PARP1: variants seen among roughly 807,000 people sequenced by gnomAD.
The protein encoded by PARP1 is poly [ADP-ribose] polymerase 1.
In PARP1, 44 loss-of-function variants were observed where a neutral mutation model predicts 118.7. The ratio of observed to expected loss-of-function variants is 0.37; its 90% CI spans 0.29 to 0.48. The LOEUF (loss-of-function observed/expected upper bound fraction) is 0.48, where lower values mean the gene tolerates loss of function less well. Among genes scored for constraint, PARP1 ranks in the 20% least tolerant of loss-of-function variants. The probability of loss-of-function intolerance (pLI) is 0.99; values close to 1 mark genes in which losing one functional copy is unlikely to be tolerated. For missense variants in PARP1, 1,100 were observed against 1,272.4 expected (o/e 0.86, Z 2.06); for synonymous variants, 492 against 483.2 (o/e 1.02, Z -0.24).
chr1:226,365,109 A>T lies in PARP1; in HGVS notation c.2551T>A (p.Phe851Ile), dbSNP rs1486968445. The T allele has an allele frequency of 6.2e-7, 1 of 1,614,214 alleles. No homozygotes were observed. Among genetic ancestry groups the T allele is most frequent in the Admixed American group, 1.7e-5 (1 of 60,036 alleles). Residue 851 changes from phenylalanine (F) to isoleucine (I), a missense_variant, in exon 19 of 23, where the codon TTT becomes ATT. Physicochemically the swap from Phe to Ile is conservative, Grantham distance 21. Coordinates refer to ENST00000366794, the MANE Select transcript of PARP1 (RefSeq NM_001618.4). ...AATCTTCGGTTATGAAGCTGCTTAA[A>T]GGGCTTGTAACGCTGGCATTCGCCT... ...REGECQRYKPFKQLHNRRLLW... is the reference protein window; with the variant it reads ...REGECQRYKPIKQLHNRRLLW...
chr1:226,361,127 G>A lies in PARP1; in HGVS notation c.*333C>T. ...TATTTTTCCTTCCCTGGGGAAACCA[G>A]TAAGGCAGACATTCTAACGAAGCTT... is the stretch of plus-strand genomic sequence containing the variant. On this transcript the variant is annotated 3_prime_UTR_variant, in exon 23 of 23. Coordinates refer to ENST00000366794, the MANE Select transcript of PARP1 (RefSeq NM_001618.4). 1 of 381,930 alleles carries A rather than the reference G, an allele frequency of 2.6e-6. No individual in the cohort carries two copies. The highest frequency in any genetic ancestry group is 3.9e-5 in the South Asian group (1 of 25,356). 23.7% of individuals were successfully genotyped at this position (381,930 alleles called of 1,614,324 possible). A position where few individuals can be genotyped will look rare whatever the true frequency, so the allele number is the denominator to read the frequency against.
intron 2 of PARP1, among the ~76,000 whole-genome samples, chr1:226,394,299 G>A (rs556609273): frequency 6.6e-6 from 1 of 152,362 alleles, no homozygotes; most frequent in Admixed American, 6.5e-5. Context: ...CAAGGCTACA[G>A]TGAGCTAGGA....
chr1:226,361,420 A>T lies in PARP1; in HGVS notation c.*40T>A, dbSNP rs918967512. The T allele has an allele frequency of 7.1e-7, 1 of 1,406,194 alleles. No homozygotes were observed. Among genetic ancestry groups the T allele is most frequent in the Non-Finnish European group, 1.0e-6 (1 of 991,922 alleles). The allele number at this position is 1,406,194 out of a possible 1,614,324, so 87.1% of individuals were successfully genotyped here. ...GTGCAGAAGCGCTTCGGGTGAATTC[A>T]TACCAGAGCCACCGGGTGTGACTCG... On this transcript the variant is annotated 3_prime_UTR_variant, in exon 23 of 23. Transcript: ENST00000366794.
intron 2 of PARP1, among the ~76,000 whole-genome samples, chr1:226,400,255 T>G (rs1665006726): frequency 6.6e-6 from 1 of 151,894 alleles, no homozygotes; most frequent in Non-Finnish European, 1.5e-5. Context: ...GCCAAGACCA[T>G]GCCACAGCAC....
At chr1:226,398,973 A>G (rs575227100) in intron 2 of PARP1, among the ~76,000 whole-genome samples, 18 of 152,342 alleles carry the variant, frequency 1.2e-4, no homozygotes, top group Middle Eastern at 3.4e-3. Context: ...GATGTCCTTC[A>G]GCAGGTCAAT....
chr1:226,361,262 C>T lies in PARP1; in HGVS notation c.*198G>A. The T allele has an allele frequency of 1.6e-6, 1 of 637,468 alleles. No individual in the cohort carries two copies. Among genetic ancestry groups the T allele is most frequent in the Non-Finnish European group, 2.8e-6 (1 of 351,154 alleles). The allele number at this position is 637,468 out of a possible 1,614,324, so 39.5% of individuals were successfully genotyped here. On this transcript the variant is annotated 3_prime_UTR_variant, in exon 23 of 23. Transcript: ENST00000366794. ...AACAAAAACAACCCCAAAACAACCC[C>T]TCCCCACAGACACAACACAAAACAA...
intron 20 of PARP1, 79 bp from the exon 21 acceptor site, chr1:226,363,239 TCAGATA>T (rs1664187319): frequency 1.1e-6 from 1 of 942,654 alleles, no homozygotes; most frequent in Non-Finnish European, 1.8e-6. Context: ...GAGAATAAGA[TCAGATA>T]CAGAGATGAG....
rs749501376 is a variant in PARP1, at chr1:226,390,602, T to A, written c.425A>T (p.Lys142Met). ...CTGTGGCTTCTCCGGGTCCACCATC[T>A]TCTTGGACAGGCGCACCTGGCCCTG... Reference protein sequence around the residue: ...IEKGQVRLSKKMVDPEKPQLG... With the variant: ...IEKGQVRLSKMMVDPEKPQLG... The change falls in exon 4 of 23, where the codon AAG (lysine) becomes ATG (methionine). Residue 142 changes from lysine (K) to methionine (M), a missense_variant. Lys to Met is a moderately conservative substitution (Grantham distance 95). Transcript: ENST00000366794. 13 of 1,614,204 alleles carry A rather than the reference T, an allele frequency of 8.1e-6. No individual in the cohort carries two copies. Among genetic ancestry groups the A allele is most frequent in the Middle Eastern group, 1.6e-4 (1 of 6,062 alleles).
chr1:226,395,735 TTTA>T (rs1345791561), intron 2 of PARP1, among the ~76,000 whole-genome samples: 1 of 152,158 alleles, frequency 6.6e-6, no homozygotes, highest in Non-Finnish European at 1.5e-5. Flanking sequence ...GCAATTAATG[TTTA>T]TTATGTCTTT....
At chr1:226,367,145 C>T (rs1392676125) in intron 17 of PARP1, 1 of 368,560 alleles carries the variant, frequency 2.7e-6, no homozygotes, top group Admixed American at 3.9e-5. Flanking sequence ...AAAAACAGAG[C>T]TCCTCTCTAG....
chr1:226,396,065 G>C (rs1339627480), intron 2 of PARP1, among the ~76,000 whole-genome samples: 1 of 152,158 alleles, frequency 6.6e-6, no homozygotes, highest in African/African-American at 2.4e-5. Context: ...GTTAAGACAG[G>C]CCAGGCGCAG....
intron 2 of PARP1, chr1:226,401,996 A>G: frequency 6.8e-7 from 1 of 1,474,434 alleles, no homozygotes; most frequent in Non-Finnish European, 9.0e-7. Flanking sequence ...TTTAAAGGCT[A>G]CATTCCAAGC....
At chr1:226,393,222 G>A (rs1024403602) in intron 2 of PARP1, among the ~76,000 whole-genome samples, 1 of 152,058 alleles carries the variant, frequency 6.6e-6, no homozygotes, top group Admixed American at 6.6e-5. Context: ...CAAGGACACT[G>A]GTATTTAAAC....
chr1:226,364,901 G>T, intron 19 of PARP1, 101 bp downstream of exon 19: 2 of 1,310,954 alleles, frequency 1.5e-6, no homozygotes, highest in Non-Finnish European at 2.2e-6. Context: ...AGGATGTCTG[G>T]CAGAATCCCC....
chr1:226,382,061 A>T (rs758895197), intron 8 of PARP1, among the ~76,000 whole-genome samples: 1 of 152,128 alleles, frequency 6.6e-6, no homozygotes, highest in Non-Finnish European at 1.5e-5. Context: ...AGCACAGTGG[A>T]CTCGGGATGA....
chr1:226,362,123 C>T (rs368230564), intron 21 of PARP1, 40 bp from the exon 22 acceptor site: 120 of 1,116,480 alleles, frequency 1.1e-4, no homozygotes, highest in Admixed American at 5.6e-4. Context: ...ACTGTGAGTA[C>T]AGATGTGGCA....
chr1:226,405,776 C>CT (rs1267963688), intron 1 of PARP1, among the ~76,000 whole-genome samples: 3 of 152,140 alleles, frequency 2.0e-5, no homozygotes, highest in Non-Finnish European at 4.4e-5. Context: ...GTTAAGGCGC[C>CT]TGGATGTCCC....
chr1:226,362,533 A>G (rs914853978), intron 21 of PARP1, among the ~76,000 whole-genome samples: 1 of 152,220 alleles, frequency 6.6e-6, no homozygotes. Context: ...ACCTTCACTG[A>G]GTTTAATGAG....
intron 5 of PARP1, 110 bp from the exon 6 acceptor site, chr1:226,386,552 C>A: frequency 2.5e-6 from 2 of 796,174 alleles, no homozygotes; most frequent in Non-Finnish European, 4.6e-6. Flanking sequence ...TGTGCACCAG[C>A]GAGCTGCCCC....
Sources: gnomAD v4.1 joint callset for allele counts (sites outside exome capture counted in the v4.1 genomes callset) on GRCh38, gnomAD v4.1.1 for gene constraint, MANE v1.5 for transcripts, NCBI Gene and HGNC (gene_info 2026-07-23, HGNC 2026-07-21) for gene names.